CRISPLD2: variants seen among roughly 807,000 people sequenced by gnomAD.
The protein encoded by CRISPLD2 is cysteine-rich secretory protein LCCL domain-containing 2.
Under a neutral mutation model 71.1 loss-of-function variants are expected in CRISPLD2, and 47 were observed. The observed-to-expected ratio is 0.66, with a 90% confidence interval of 0.52 to 0.84. The LOEUF (loss-of-function observed/expected upper bound fraction) is 0.84. Among genes scored for constraint, CRISPLD2 ranks in the 40% least tolerant of loss-of-function variants. CRISPLD2 has a pLI of 0.00. For synonymous variants in CRISPLD2, 317 were observed against 250.1 expected, an observed-to-expected ratio of 1.27 and a Z score of -2.52; for missense variants, 830 against 651.1, an observed-to-expected ratio of 1.27 and a Z score of -2.99.
chr16:84,897,894 G>C (rs2071720243), intron 14 of CRISPLD2, among the ~76,000 whole-genome samples: 1 of 152,266 alleles, frequency 6.6e-6, no homozygotes, highest in South Asian at 2.1e-4. Context: ...TGGGATTACA[G>C]GCGTGAGCTA....
chr16:84,864,161 A>T (rs1178550198), intron 6 of CRISPLD2, among the ~76,000 whole-genome samples: 1 of 152,062 alleles, frequency 6.6e-6, no homozygotes, highest in Non-Finnish European at 1.5e-5. Flanking sequence ...CCGGAGCAGA[A>T]TGGGGCACAG....
chr16:84,843,871 T>G (rs892508903), intron 2 of CRISPLD2, among the ~76,000 whole-genome samples: 1 of 151,050 alleles, frequency 6.6e-6, no homozygotes, highest in East Asian at 1.9e-4. Context: ...AGACTCAAGG[T>G]TTGTTGCCCC....
In CRISPLD2 at chr16:84,854,730, G is replaced by C; in HGVS notation, c.610G>C (p.Gly204Arg). ...GGTTGTTTTTGGGTCTGTCCTCAGG[G>C]GGAACTGGATTGGAGAAGCCCCCTA... is the stretch of plus-strand genomic sequence containing the variant. ...VYFVCNYSPK[G>R]NWIGEAPYKN... The change falls in exon 6 of 15, where the codon GGG becomes CGG. Residue 204 changes from glycine to arginine, a missense_variant and splice_region_variant. Gly to Arg is a moderately radical substitution (Grantham distance 125). Coordinates refer to ENST00000262424, the MANE Select transcript of CRISPLD2 (RefSeq NM_031476.4). The C allele has an allele frequency of 6.2e-7, 1 of 1,613,818 alleles. No individual in the cohort carries two copies. The highest frequency in any genetic ancestry group is 8.5e-7 in the Non-Finnish European group (1 of 1,179,718).
intron 6 of CRISPLD2, among the ~76,000 whole-genome samples, chr16:84,855,408 G>T (rs1597460765): frequency 6.6e-6 from 1 of 152,218 alleles, no homozygotes. Flanking sequence ...ACAACTTCAA[G>T]CCCGATGTTT....
rs117880591 is a variant in CRISPLD2 at position 84,869,836 on chromosome 16, C to A, written c.914+925C>A. On this transcript the variant is annotated intron_variant, in intron 8 of 14. Transcript: ENST00000262424. The stretch of plus-strand genomic sequence containing the variant: ...ATCTTTCTGAATGCTAAGCACATTG[C>A]GATAGCATCACCCCTGAGTAGTACT... 2.1e-3 allele frequency among the ~76,000 whole-genome samples: 323 copies of A among 152,318 alleles called. 1 individual carries two copies. The highest frequency in any genetic ancestry group is 3.9e-3 in the Non-Finnish European group (263 of 68,036).
intron 14 of CRISPLD2, among the ~76,000 whole-genome samples, chr16:84,902,238 C>T (rs979414130): frequency 2.0e-5 from 3 of 152,104 alleles, no homozygotes; most frequent in Non-Finnish European, 4.4e-5. Flanking sequence ...ATCCCAAGTA[C>T]AGAATAGAAA....
At chr16:84,839,280 A>G (rs1916709206) in intron 2 of CRISPLD2, 1 of 286,034 alleles carries the variant, frequency 3.5e-6, no homozygotes, top group Non-Finnish European at 6.8e-6. Flanking sequence ...TGGTAGCTCC[A>G]CTGGGAACAC....
chr16:84,845,120 T>A lies in CRISPLD2; in HGVS notation c.241-666T>A, dbSNP rs114235256. ...CATGGAGACAGCTCAGGGTCCAAGG[T>A]CCTGAAGACCTGGGTTCAGATCCTG... is the stretch of plus-strand genomic sequence containing the variant. On this transcript the variant is annotated intron_variant, in intron 2 of 14. Transcript: ENST00000262424. 1.0e-3 allele frequency among the ~76,000 whole-genome samples: 156 copies of A among 152,292 alleles called. 1 individual carries two copies. The highest frequency in any genetic ancestry group is 3.5e-3 in the African/African-American group (147 of 41,558).
chr16:84,879,190 C>G (rs2071546643), intron 12 of CRISPLD2, among the ~76,000 whole-genome samples: 1 of 152,210 alleles, frequency 6.6e-6, no homozygotes, highest in Non-Finnish European at 1.5e-5. Flanking sequence ...GTGGGGATAA[C>G]AGCCTTTTAG....
rs773179462 is a variant in CRISPLD2 at position 84,906,738 on chromosome 16, G to A, written c.*96G>A. The A allele has an allele frequency of 1.4e-6, 2 of 1,397,600 alleles. No homozygotes were observed. The highest frequency in any genetic ancestry group is 1.7e-5 in the Admixed American group (1 of 59,242). The allele number at this position is 1,397,600 out of a possible 1,614,324, so 86.6% of individuals were successfully genotyped here. A position where few individuals can be genotyped will look rare whatever the true frequency, so the allele number is the denominator to read the frequency against. The stretch of plus-strand genomic sequence containing the variant: ...CATTGCGGGGTATATGGAGAGTCAG[G>A]AAACTTCCTTTGACTGATGTTCAGT... On this transcript the variant is annotated 3_prime_UTR_variant, in exon 15 of 15. Coordinates refer to ENST00000262424, the MANE Select transcript of CRISPLD2 (RefSeq NM_031476.4).
At position 84,838,658 on chromosome 16, in the gene CRISPLD2, G is replaced by C. The variant is rs760678386; in HGVS notation, c.163G>C (p.Asp55His). 1 of 1,614,218 alleles carries C rather than the reference G, an allele frequency of 6.2e-7. No homozygotes were observed. Among genetic ancestry groups the C allele is most frequent in the Non-Finnish European group, 8.5e-7 (1 of 1,180,040 alleles). Reference protein sequence around the residue: ...SRVRRAIPREDKEEILMLHNK... With the variant: ...SRVRRAIPREHKEEILMLHNK... Reference sequence around the variant, plus strand: ...GGTCCGCAGAGCCATCCCCAGGGAGGACAAGGAGGAGATCCTCATGCTGCA... The same window carrying C: ...GGTCCGCAGAGCCATCCCCAGGGAGCACAAGGAGGAGATCCTCATGCTGCA... The change falls in exon 2 of 15, where the codon GAC becomes CAC. Residue 55 changes from aspartate to histidine, a missense_variant. Coordinates refer to ENST00000262424, the MANE Select transcript of CRISPLD2 (RefSeq NM_031476.4).
chr16:84,895,807 C>T (rs991122497), intron 14 of CRISPLD2, among the ~76,000 whole-genome samples: 1 of 152,156 alleles, frequency 6.6e-6, no homozygotes, highest in Non-Finnish European at 1.5e-5. Flanking sequence ...CTGCTGGATG[C>T]TCGCCTCTGG....
chr16:84,833,485 C>G (rs190304927), intron 1 of CRISPLD2, among the ~76,000 whole-genome samples: 3 of 152,294 alleles, frequency 2.0e-5, no homozygotes, highest in Non-Finnish European at 4.4e-5. Context: ...AGGGGCATCT[C>G]TCTAGGAGTG....
At chr16:84,864,934 A>G (rs1288265977) in intron 6 of CRISPLD2, among the ~76,000 whole-genome samples, 1 of 152,202 alleles carries the variant, frequency 6.6e-6, no homozygotes, top group Non-Finnish European at 1.5e-5. Flanking sequence ...GGACAGGACC[A>G]GCCTGGGGTG....
At chr16:84,846,747 A>G (rs117124616) in intron 3 of CRISPLD2, among the ~76,000 whole-genome samples, 3,995 of 151,944 alleles carry the variant, frequency 0.026, 73 homozygotes, top group Admixed American at 0.041. Context: ...AAGCTCACTA[A>G]CTTCTCCAGA....
chr16:84,876,573 A>G (rs1366272611), intron 11 of CRISPLD2, among the ~76,000 whole-genome samples: 1 of 151,660 alleles, frequency 6.6e-6, no homozygotes, highest in East Asian at 1.9e-4. Flanking sequence ...CAGGTGGATT[A>G]CCTGAGGTCA....
chr16:84,864,582 C>T (rs914714659), intron 6 of CRISPLD2, among the ~76,000 whole-genome samples: 22 of 152,352 alleles, frequency 1.4e-4, no homozygotes, highest in Admixed American at 1.3e-4. Flanking sequence ...GCTTTTGCTA[C>T]CAGAGGTGCT....
intron 1 of CRISPLD2, among the ~76,000 whole-genome samples, chr16:84,821,772 T>C (rs1384837719): frequency 6.6e-6 from 1 of 152,198 alleles, no homozygotes. Context: ...ATAGTAATAA[T>C]GCCATTTGTA....
chr16:84,839,066 T>C (rs1916704162), intron 2 of CRISPLD2: 8 of 411,748 alleles, frequency 1.9e-5, no homozygotes, highest in South Asian at 1.6e-4. Context: ...TTAAATATTT[T>C]GTGGAGATGG....
Sources: allele counts gnomAD v4.1 joint callset (sites outside exome capture counted in the v4.1 genomes callset), GRCh38; gene constraint gnomAD v4.1.1; transcripts MANE v1.5; gene names NCBI Gene and HGNC (gene_info 2026-07-23, HGNC 2026-07-21).